Variants in CDADC1 observed in about 807,000 individuals in gnomAD.
CDADC1 encodes cytidine and dCMP deaminase domain containing 1.
CDADC1 carries 39 observed loss-of-function variants against 54.9 expected under a neutral mutation model. The observed-to-expected ratio is 0.71, with a 90% confidence interval of 0.55 to 0.93. The LOEUF (loss-of-function observed/expected upper bound fraction) is 0.93, where lower values mean the gene tolerates loss of function less well. Ranked by LOEUF, CDADC1 falls within the 40% of genes least tolerant of loss-of-function variation. CDADC1 has a pLI of 0.00. For missense variants in CDADC1, 518 were observed against 618.8 expected (o/e 0.84, Z 1.73); for synonymous variants, 186 against 204.0 (o/e 0.91, Z 0.75).
intron 8 of CDADC1, 133 bp downstream of exon 8, chr13:49,280,831 T>TTATTA (rs1168991264): frequency 9.5e-6 from 2 of 210,332 alleles, no homozygotes; most frequent in Non-Finnish European, 8.9e-6. Flanking sequence ...ATTATTATTA[T>TTATTA]TATTTTATTA....
chr13:49,256,210 C>A (rs1319047597), intron 3 of CDADC1, among the ~76,000 whole-genome samples: 3 of 152,128 alleles, frequency 2.0e-5, no homozygotes, highest in Non-Finnish European at 4.4e-5. Flanking sequence ...CTCCCACACA[C>A]CTTGCTGGGT....
intron 6 of CDADC1, among the ~76,000 whole-genome samples, chr13:49,276,517 C>T (rs972231736): frequency 4.6e-5 from 7 of 152,178 alleles, no homozygotes; most frequent in African/African-American, 1.7e-4. Context: ...TTCACAAACT[C>T]CTCAAGTTCA....
chr13:49,291,594 T>C, intron 9 of CDADC1, 90 bp from the exon 10 acceptor site: 1 of 1,189,042 alleles, frequency 8.4e-7, no homozygotes, highest in Non-Finnish European at 1.2e-6. Context: ...AACTTAAGCA[T>C]TGTTTTGCTC....
intron 8 of CDADC1, among the ~76,000 whole-genome samples, chr13:49,281,783 A>ATTTG (rs1033082951): frequency 6.6e-6 from 1 of 151,996 alleles, no homozygotes; most frequent in African/African-American, 2.4e-5. Context: ...AAACAAGAAT[A>ATTTG]TTTGTTTATT....
chr13:49,248,728 T>A, intron 1 of CDADC1, 143 bp from the exon 2 acceptor site: 1 of 662,700 alleles, frequency 1.5e-6, no homozygotes, highest in Non-Finnish European at 2.7e-6. Flanking sequence ...CTAAGATACC[T>A]CTGACTCTCT....
At chr13:49,279,681 C>A (rs1953259724) in intron 7 of CDADC1, among the ~76,000 whole-genome samples, 1 of 152,138 alleles carries the variant, frequency 6.6e-6, no homozygotes, top group Non-Finnish European at 1.5e-5. Context: ...TTCTGTTGCC[C>A]TAGTCCAGGT....
intron 5 of CDADC1, among the ~76,000 whole-genome samples, chr13:49,270,388 A>C (rs955745610): frequency 6.6e-6 from 1 of 151,944 alleles, no homozygotes; most frequent in Non-Finnish European, 1.5e-5. Flanking sequence ...TGTCCAGCCA[A>C]TTTTTAATTT....
chr13:49,291,643 G>T, intron 9 of CDADC1, 41 bp from the exon 10 acceptor site: 1 of 1,594,678 alleles, frequency 6.3e-7, no homozygotes, highest in South Asian at 1.1e-5. Context: ...CCATGGGTTT[G>T]AAATGAAGCT....
intron 8 of CDADC1, among the ~76,000 whole-genome samples, chr13:49,284,596 AT>A (rs956658467): frequency 6.6e-6 from 1 of 151,924 alleles, no homozygotes; most frequent in African/African-American, 2.4e-5. Context: ...AATTTTAAAC[AT>A]TTTTTTGGTA....
chr13:49,278,267 G>A, intron 6 of CDADC1, 83 bp from the exon 7 acceptor site: 2 of 1,021,316 alleles, frequency 2.0e-6, no homozygotes, highest in Non-Finnish European at 2.8e-6. Context: ...ATTATACAAA[G>A]TATGATAGCA....
At chr13:49,248,248 C>A in intron 1 of CDADC1, 129 bp downstream of exon 1, 2 of 785,448 alleles carry the variant, frequency 2.5e-6, no homozygotes, top group South Asian at 3.4e-5. Flanking sequence ...GTCTCCTGCC[C>A]GCCCTCTGCG....
intron 3 of CDADC1, 66 bp from the exon 4 acceptor site, chr13:49,259,280 G>A (rs1952615081): frequency 4.6e-6 from 5 of 1,076,372 alleles, no homozygotes; most frequent in Admixed American, 4.7e-5. Flanking sequence ...AATAATTCAA[G>A]TATAATCCAT....
chr13:49,255,349 A>G (rs572255008), intron 2 of CDADC1, among the ~76,000 whole-genome samples: 17 of 152,328 alleles, frequency 1.1e-4, no homozygotes, highest in African/African-American at 4.1e-4. Flanking sequence ...CTGCAAACTG[A>G]TTCCTCCTTG....
intron 6 of CDADC1, among the ~76,000 whole-genome samples, 159 bp downstream of exon 6, chr13:49,274,499 TA>T (rs58770280): frequency 3.8e-3 from 537 of 140,420 alleles, no homozygotes; most frequent in Admixed American, 3.8e-3. Context: ...CCATCTCTAC[TA>T]AAAAAAAAAA....
intron 2 of CDADC1, among the ~76,000 whole-genome samples, chr13:49,255,245 T>C (rs1952517166): frequency 6.6e-6 from 1 of 152,194 alleles, no homozygotes; most frequent in South Asian, 2.1e-4. Flanking sequence ...ACCCCTCTTT[T>C]ACTCATAATG....
rs1053030414 is a variant in CDADC1 at position 49,269,831 on chromosome 13, A to G, written c.1000+1772A>G. Among the ~76,000 whole-genome samples the G allele has an allele frequency of 2.2e-4, 33 of 152,258 alleles. 1 individual carries two copies. The highest frequency in any genetic ancestry group is 1.7e-3 in the Admixed American group (26 of 15,292). ...CTGTGATTCCAGTGTTTAAAGACGCAGTATGTATACATTTGCATTTATATT... is the reference window on the plus strand; with the variant it reads ...CTGTGATTCCAGTGTTTAAAGACGCGGTATGTATACATTTGCATTTATATT... On this transcript the variant is annotated intron_variant, in intron 5 of 9. Coordinates refer to ENST00000251108, the MANE Select transcript of CDADC1 (RefSeq NM_030911.4).
At chr13:49,291,170 G>GTT (rs11428391) in intron 9 of CDADC1, among the ~76,000 whole-genome samples, 81,155 of 142,084 alleles carry the variant, frequency 0.57, 24,088 homozygotes, top group Non-Finnish European at 0.65. Flanking sequence ...TCAGTTTTTG[G>GTT]TTTTTTTTTT....
intron 2 of CDADC1, among the ~76,000 whole-genome samples, chr13:49,251,365 G>A (rs994034295): frequency 2.0e-5 from 3 of 148,660 alleles, no homozygotes; most frequent in East Asian, 2.0e-4. Flanking sequence ...CTGAGATCAC[G>A]CCACTGCACT....
At chr13:49,281,783 ATTTG>A (rs1033082951) in intron 8 of CDADC1, among the ~76,000 whole-genome samples, 79 of 152,114 alleles carry the variant, frequency 5.2e-4, no homozygotes, top group African/African-American at 1.8e-3. Context: ...AAACAAGAAT[ATTTG>A]TTTATTTATT....
Sources: gnomAD v4.1 joint callset for allele counts (sites outside exome capture counted in the v4.1 genomes callset) on GRCh38, gnomAD v4.1.1 for gene constraint, MANE v1.5 for transcripts, NCBI Gene and HGNC (gene_info 2026-07-23, HGNC 2026-07-21) for gene names.